TNFRSF1B: variants seen among roughly 807,000 people sequenced by gnomAD.
The protein encoded by TNFRSF1B is TNF receptor superfamily member 1B.
In TNFRSF1B, 19 loss-of-function variants were observed where a neutral mutation model predicts 44.6. The ratio of observed to expected loss-of-function variants is 0.43; its 90% CI spans 0.30 to 0.62. The LOEUF is 0.62. Among genes scored for constraint, TNFRSF1B ranks in the 20% least tolerant of loss-of-function variants. The pLI, the probability that TNFRSF1B is intolerant of heterozygous loss-of-function variation, is 0.16. For synonymous variants in TNFRSF1B, 252 were observed against 261.1 expected (o/e 0.97, Z 0.34); for missense variants, 541 against 619.9 (o/e 0.87, Z 1.35).
Position 12,183,703 on chromosome 1 carries a change from T to G in TNFRSF1B, c.79-5093T>G, listed in dbSNP as rs1201135. ...ATCTATCTATCTATCTATCTATCTA[T>G]CTATCTATTCTATCTACCTATCTAT... is the stretch of plus-strand genomic sequence containing the variant. On this transcript the variant is annotated intron_variant, in intron 1 of 9. Transcript: ENST00000376259. 2.2e-3 allele frequency among the ~76,000 whole-genome samples: 259 copies of G among 116,996 alleles called. 8 individuals carry two copies. The highest frequency in any genetic ancestry group is 5.1e-3 in the African/African-American group (169 of 33,266). 76.8% of individuals were successfully genotyped at this position (116,996 alleles called of 152,430 possible).
intron 1 of TNFRSF1B, among the ~76,000 whole-genome samples, chr1:12,167,944 C>A (rs1312626700): frequency 6.6e-6 from 1 of 152,220 alleles, no homozygotes; most frequent in Admixed American, 6.5e-5. Flanking sequence ...TAGCAACGGG[C>A]GTACAAGGGA....
intron 1 of TNFRSF1B, chr1:12,167,584 G>T: frequency 3.5e-6 from 1 of 287,720 alleles, no homozygotes; most frequent in Non-Finnish European, 6.8e-6. Context: ...GCTGTGCCGG[G>T]GCGCTGCCCC....
In TNFRSF1B at chr1:12,174,160, T is replaced by TTCTC. The variant is rs1638590812; in HGVS notation, c.78+6991_78+6992insTCTC. On this transcript the variant is annotated intron_variant, in intron 1 of 9. Transcript: ENST00000376259. ...TTCTTCTTCTTCTTCTTCTTCTTCTTCTTCTCCTTCTCCTTCTCCTTCTCC... is the reference window on the plus strand; with the variant it reads ...TTCTTCTTCTTCTTCTTCTTCTTCTTTCTCCTTCTCCTTCTCCTTCTCCTTCTCC... Among the ~76,000 whole-genome samples the TTCTC allele has an allele frequency of 3.5e-4, 24 of 67,902 alleles. 4 individuals carry two copies. The highest frequency in any genetic ancestry group is 1.6e-3 in the East Asian group (2 of 1,232). The allele number at this position is 67,902 out of a possible 152,430, so 44.5% of individuals were successfully genotyped here.
rs948232111 is a variant in TNFRSF1B at position 12,209,065 on chromosome 1, C to T, written c.*2045C>T. 6.6e-6 allele frequency: 1 copy of T among 152,300 alleles called. No individual in the cohort carries two copies. 9.4% of individuals were successfully genotyped at this position (152,300 alleles called of 1,614,324 possible). On this transcript the variant is annotated 3_prime_UTR_variant, in exon 10 of 10. Transcript: ENST00000376259. Reference sequence around the variant, plus strand: ...TGGACAGTCCTGGGAGAACCTCAGGCTTCCTTGGCATCACAGGGCAGAGCC... The same window carrying T: ...TGGACAGTCCTGGGAGAACCTCAGGTTTCCTTGGCATCACAGGGCAGAGCC...
chr1:12,198,146 T>C (rs1208692696), intron 8 of TNFRSF1B, among the ~76,000 whole-genome samples: 1 of 137,830 alleles, frequency 7.3e-6, no homozygotes, highest in African/African-American at 2.7e-5. Context: ...AAAAAACCAA[T>C]ATGTGAGCTT....
Position 12,202,111 on chromosome 1 carries a change from C to G in TNFRSF1B, c.1045C>G (p.Gln349Glu). 1 of 1,571,122 alleles carries G rather than the reference C, an allele frequency of 6.4e-7. No individual in the cohort carries two copies. The highest frequency in any genetic ancestry group is 8.6e-7 in the Non-Finnish European group (1 of 1,158,650). The change falls in exon 9 of 10, where the codon CAG becomes GAG. Residue 349 changes from glutamine to glutamate, a missense_variant. Transcript: ENST00000376259. ...AAGGGCGCCCACTCGGAACCAGCCA[C>G]AGGCACCAGGCGTGGAGGCCAGTGG... ...DRRAPTRNQP[Q>E]APGVEASGAG... is the part of the protein sequence containing the mutation.
intron 1 of TNFRSF1B, among the ~76,000 whole-genome samples, chr1:12,181,925 A>G (rs984513347): frequency 6.6e-6 from 1 of 152,206 alleles, no homozygotes; most frequent in African/African-American, 2.4e-5. Flanking sequence ...CCCATCCTTA[A>G]GAACCCAGGG....
chr1:12,185,740 G>A (rs912691183), intron 1 of TNFRSF1B, among the ~76,000 whole-genome samples: 1 of 152,224 alleles, frequency 6.6e-6, no homozygotes, highest in Non-Finnish European at 1.5e-5. Flanking sequence ...GCTGGAGTTA[G>A]ATCCCTACAG....
chr1:12,170,508 C>T (rs1025301791), intron 1 of TNFRSF1B, among the ~76,000 whole-genome samples: 5 of 152,214 alleles, frequency 3.3e-5, no homozygotes, highest in East Asian at 3.8e-4. Context: ...ACAGTGGCTC[C>T]CCGTAGCACT....
chr1:12,203,512 C>T (rs764856861), intron 9 of TNFRSF1B, among the ~76,000 whole-genome samples: 1 of 152,134 alleles, frequency 6.6e-6, no homozygotes, highest in African/African-American at 2.4e-5. Flanking sequence ...CAGGAGCTGA[C>T]GTGGCCATTT....
At chr1:12,191,659 G>A in intron 3 of TNFRSF1B, 115 bp from the exon 4 acceptor site, 1 of 1,359,044 alleles carries the variant, frequency 7.4e-7, no homozygotes, top group South Asian at 1.3e-5. Flanking sequence ...CCCATGCTGA[G>A]GCGGTCCGCC....
intron 1 of TNFRSF1B, among the ~76,000 whole-genome samples, chr1:12,176,594 C>A (rs1260138975): frequency 1.3e-5 from 2 of 152,178 alleles, no homozygotes; most frequent in Non-Finnish European, 2.9e-5. Flanking sequence ...TTCAAGCCAG[C>A]ATCCTTATTC....
rs919393780 is a variant in TNFRSF1B at position 12,191,512 on chromosome 1, G to GGACTGCGGGGGACGAGCGC, written c.308-244_308-226dup. On this transcript the variant is annotated intron_variant, in intron 3 of 9. Coordinates refer to ENST00000376259, the MANE Select transcript of TNFRSF1B (RefSeq NM_001066.3). ...AGGAGCGGGACTTCGGGGAGGAGCG[G>GGACTGCGGGGGACGAGCGC]GACTGCGGGGGACGAGCGCGACTGC... 1.8e-4 allele frequency among the ~76,000 whole-genome samples: 27 copies of GGACTGCGGGGGACGAGCGC among 151,830 alleles called. No individual in the cohort carries two copies. In the East Asian group the frequency reaches 4.7e-3, roughly 26 times the overall value.
chr1:12,206,560 AG>A (rs1387624212), intron 9 of TNFRSF1B, among the ~76,000 whole-genome samples, 179 bp from the exon 10 acceptor site: 1 of 152,252 alleles, frequency 6.6e-6, no homozygotes, highest in African/African-American at 2.4e-5. Context: ...GGGGAAAATG[AG>A]GCACATGCAG....
intron 1 of TNFRSF1B, among the ~76,000 whole-genome samples, chr1:12,183,169 GC>G (rs1638848661): frequency 6.6e-6 from 1 of 152,200 alleles, no homozygotes; most frequent in Non-Finnish European, 1.5e-5. Flanking sequence ...AGAGGAGGGA[GC>G]CCAATCTGGA....
At position 12,191,068 on chromosome 1, in the gene TNFRSF1B, G is replaced by C; in HGVS notation, c.290G>C (p.Gly97Ala). The C allele has an allele frequency of 1.9e-6, 3 of 1,614,152 alleles. No homozygotes were observed. The highest frequency in any genetic ancestry group is 1.7e-6 in the Non-Finnish European group (2 of 1,179,994). ...TGGGTTCCCGAGTGCTTGAGCTGTG[G>C]CTCCCGCTGTAGCTCTGGTGAGTAG... ...WNWVPECLSC[G>A]SRCSSDQVET... The change falls in exon 3 of 10, where the codon GGC becomes GCC. Residue 97 changes from glycine to alanine, a missense_variant. Physicochemically the swap from Gly to Ala is moderately conservative, Grantham distance 60. Coordinates refer to ENST00000376259, the MANE Select transcript of TNFRSF1B (RefSeq NM_001066.3).
Position 12,206,822 on chromosome 1 carries a change from G to A in TNFRSF1B, c.1188G>A (p.Gln396=). Residue 396 remains glutamine (Q), a synonymous_variant, in exon 10 of 10, where the codon CAG becomes CAA. Coordinates refer to ENST00000376259, the MANE Select transcript of TNFRSF1B (RefSeq NM_001066.3). ...NVCSSSDHSS[Q]CSSQASSTMG... is the part of the protein sequence containing the mutation. ...GTAGCAGCTCTGACCACAGCTCACA[G>A]TGCTCCTCCCAAGCCAGCTCCACAA... 6.2e-7 allele frequency: 1 copy of A among 1,614,158 alleles called. No individual in the cohort carries two copies. Among genetic ancestry groups the A allele is most frequent in the Non-Finnish European group, 8.5e-7 (1 of 1,180,012 alleles).
At chr1:12,167,507 G>A in intron 1 of TNFRSF1B, 1 of 435,124 alleles carries the variant, frequency 2.3e-6, no homozygotes, top group South Asian at 2.1e-5. Flanking sequence ...CGCTAGACCC[G>A]GGACCCCTCT....
chr1:12,201,093 C>G (rs560468146), intron 8 of TNFRSF1B, among the ~76,000 whole-genome samples: 3 of 151,878 alleles, frequency 2.0e-5, no homozygotes, highest in African/African-American at 7.3e-5. Flanking sequence ...TCTCTACAAA[C>G]AATCGACAAC....
Sources: allele counts gnomAD v4.1 joint callset (sites outside exome capture counted in the v4.1 genomes callset), GRCh38; gene constraint gnomAD v4.1.1; transcripts MANE v1.5; gene names NCBI Gene and HGNC (gene_info 2026-07-23, HGNC 2026-07-21).